Variants in CTNNA2 observed in about 807,000 individuals in gnomAD.
CTNNA2 encodes the protein catenin alpha 2.
A neutral mutation model predicts 101.0 loss-of-function variants in CTNNA2; 42 were observed. The observed-to-expected ratio is 0.42, with a 90% CI of 0.32 to 0.54. The LOEUF is 0.54. CTNNA2 is among the 20% of genes least tolerant of loss of function. CTNNA2 has a pLI of 0.14. For synonymous variants in CTNNA2, 450 were observed against 456.4 expected (o/e 0.99, Z 0.18); for missense variants, 871 against 1,223.1 (o/e 0.71, Z 4.29).
intron 7 of CTNNA2, among the ~76,000 whole-genome samples, chr2:80,232,375 TTTTTTTTTTTTTTG>T (rs1558926547): frequency 3.7e-5 from 3 of 81,184 alleles, no homozygotes; most frequent in African/African-American, 1.0e-4. Context: ...TTTTTTTTTT[TTTTTTTTTTTTTTG>T]TTAACACTAG....
intron 1 of CTNNA2, among the ~76,000 whole-genome samples, chr2:79,536,039 C>T (rs749834885): frequency 2.6e-5 from 4 of 152,086 alleles, no homozygotes; most frequent in Non-Finnish European, 5.9e-5. Flanking sequence ...AGGGATGCAA[C>T]GTAGACAGAT....
chr2:79,647,734 T>A (rs1397663612), intron 1 of CTNNA2, among the ~76,000 whole-genome samples: 2 of 152,218 alleles, frequency 1.3e-5, no homozygotes, highest in African/African-American at 4.8e-5. Context: ...TGCTGATTAA[T>A]AGTTAATGGC....
chr2:79,397,823 AT>A (rs1008497239), intron 4 of CTNNA2, among the ~76,000 whole-genome samples: 1 of 151,698 alleles, frequency 6.6e-6, no homozygotes, highest in Non-Finnish European at 1.5e-5. Context: ...AAGTCTGTTT[AT>A]TTTTTTTATA....
rs1354384507 is a variant in CTNNA2, at chr2:80,549,340, T to A, written c.1540+3277T>A. On this transcript the variant is annotated intron_variant, in intron 11 of 18. Coordinates refer to ENST00000402739, the MANE Select transcript of CTNNA2 (RefSeq NM_001282597.3). ...GTTTTGCTTTTTAACTTTTCCTATT[T>A]TTTTTTAACTCTACAGTCTTAAGTT... Among the ~76,000 whole-genome samples the A allele has an allele frequency of 2.3e-4, 35 of 152,322 alleles. No homozygotes were observed. The East Asian group carries it at 6.6e-3, about 29-fold the overall frequency.
At chr2:80,577,141 A>G (rs1256917791) in intron 13 of CTNNA2, among the ~76,000 whole-genome samples, 6 of 152,166 alleles carry the variant, frequency 3.9e-5, no homozygotes, top group African/African-American at 1.2e-4. Context: ...TAGATGTCCA[A>G]ACTTTTGGAG....
chr2:79,448,760 A>G (rs1209078781), intron 4 of CTNNA2, among the ~76,000 whole-genome samples: 1 of 152,040 alleles, frequency 6.6e-6, no homozygotes, highest in Non-Finnish European at 1.5e-5. Flanking sequence ...CTGCTCAAAG[A>G]CACATATAGT....
chr2:80,444,428 G>A (rs1385700238), intron 9 of CTNNA2, among the ~76,000 whole-genome samples: 2 of 152,148 alleles, frequency 1.3e-5, no homozygotes, highest in East Asian at 1.9e-4. Flanking sequence ...TTGGAGAGAG[G>A]ACTGTTTTCC....
chr2:79,303,604 G>T (rs1344393477), intron 2 of CTNNA2, among the ~76,000 whole-genome samples: 1 of 151,998 alleles, frequency 6.6e-6, no homozygotes, highest in East Asian at 1.9e-4. Context: ...GCTCTTGTCT[G>T]ACTTCTCTTC....
intron 3 of CTNNA2, among the ~76,000 whole-genome samples, chr2:79,758,129 TAAAC>T (rs971681191): frequency 1.3e-5 from 2 of 152,198 alleles, no homozygotes; most frequent in Non-Finnish European, 2.9e-5. Flanking sequence ...GAAAATTCCT[TAAAC>T]AAAATGTTTG....
chr2:79,610,068 A>T (rs1347312112), intron 1 of CTNNA2, among the ~76,000 whole-genome samples: 3 of 152,164 alleles, frequency 2.0e-5, no homozygotes, highest in African/African-American at 7.2e-5. Context: ...AGGAACTCTT[A>T]AAATCAATAA....
chr2:79,799,664 G>C (rs1437988520), intron 3 of CTNNA2, among the ~76,000 whole-genome samples: 1 of 152,154 alleles, frequency 6.6e-6, no homozygotes, highest in Non-Finnish European at 1.5e-5. Flanking sequence ...ATTACCGTAG[G>C]CTTTAAATTT....
intron 3 of CTNNA2, among the ~76,000 whole-genome samples, chr2:79,338,575 ATCATCTTCTTCTTCTTCTTCTTCT>A (rs1161967238): frequency 8.7e-5 from 10 of 115,520 alleles, no homozygotes; most frequent in East Asian, 2.5e-4. Context: ...CTTCCTCCTC[ATCATCTTCTTCTTCTTCTTCTTCT>A]TCTTCTTCTT....
At chr2:79,576,412 C>G (rs1439234153) in intron 1 of CTNNA2, among the ~76,000 whole-genome samples, 1 of 152,088 alleles carries the variant, frequency 6.6e-6, no homozygotes, top group East Asian at 1.9e-4. Context: ...AATATCTATT[C>G]TTTTTAATTT....
intron 1 of CTNNA2, among the ~76,000 whole-genome samples, chr2:79,187,873 T>TATAC (rs1234580545): frequency 1.3e-5 from 2 of 152,180 alleles, no homozygotes; most frequent in African/African-American, 4.8e-5. Context: ...AATATCAGGA[T>TATAC]ATACATGAGT....
intron 4 of CTNNA2, among the ~76,000 whole-genome samples, chr2:79,416,257 C>CTTTTTTTTTTTTTTTTTTTTTT (rs66830925): frequency 2.1e-5 from 2 of 94,614 alleles, no homozygotes; most frequent in Non-Finnish European, 4.2e-5. Flanking sequence ...CTTTCCTTTT[C>CTTTTTTTTTTTTTTTTTTTTTT]TTTTTTTTTT....
rs114671920 is a variant in CTNNA2 at position 79,784,400 on chromosome 2, A to G, written c.298+39818A>G. Among the ~76,000 whole-genome samples, 572 of 151,550 alleles carry G rather than the reference A, an allele frequency of 3.8e-3. 3 individuals carry two copies. The highest frequency in any genetic ancestry group is 0.013 in the African/African-American group (528 of 41,278). Reference sequence around the variant, plus strand: ...AATTTAACTCATGATTTTATGTAGCAGCTCTACCCTGGTGACTCTTGCATT... The same window carrying G: ...AATTTAACTCATGATTTTATGTAGCGGCTCTACCCTGGTGACTCTTGCATT... On this transcript the variant is annotated intron_variant, in intron 3 of 18. Coordinates refer to ENST00000402739, the MANE Select transcript of CTNNA2 (RefSeq NM_001282597.3).
chr2:79,331,979 G>C (rs936279583), intron 3 of CTNNA2, among the ~76,000 whole-genome samples: 1 of 152,124 alleles, frequency 6.6e-6, no homozygotes, highest in African/African-American at 2.4e-5. Context: ...CATAGGTTCT[G>C]TTTTATCTAA....
chr2:80,429,945 C>A (rs1681342146), intron 9 of CTNNA2, among the ~76,000 whole-genome samples: 2 of 152,164 alleles, frequency 1.3e-5, no homozygotes, highest in Admixed American at 6.6e-5. Context: ...GTAAATACTA[C>A]CAGGTAACAT....
intron 1 of CTNNA2, among the ~76,000 whole-genome samples, chr2:79,608,693 G>A (rs1483229360): frequency 6.6e-6 from 1 of 152,068 alleles, no homozygotes; most frequent in African/African-American, 2.4e-5. Context: ...AAAAGCATTT[G>A]AAAACTTATA....
Sources: allele counts gnomAD v4.1 joint callset (sites outside exome capture counted in the v4.1 genomes callset), GRCh38; gene constraint gnomAD v4.1.1; transcripts MANE v1.5; gene names NCBI Gene and HGNC (gene_info 2026-07-23, HGNC 2026-07-21).